IPO11: variants seen among roughly 807,000 people sequenced by gnomAD.
The protein encoded by IPO11 is importin 11, also known as importin-11.
Under a neutral mutation model 143.2 loss-of-function variants are expected in IPO11, and 66 were observed. The ratio of observed to expected loss-of-function variants is 0.46; its 90% CI spans 0.38 to 0.57. The LOEUF (loss-of-function observed/expected upper bound fraction) is 0.57, where lower values mean the gene tolerates loss of function less well. Ranked by LOEUF, IPO11 falls within the 20% of genes least tolerant of loss-of-function variation. The pLI is 0.00. For missense variants in IPO11, 1,026 were observed against 1,141.0 expected, an observed-to-expected ratio of 0.90 and a Z score of 1.45; for synonymous variants, 385 against 377.8, an observed-to-expected ratio of 1.02 and a Z score of -0.22.
intron 13 of IPO11, among the ~76,000 whole-genome samples, chr5:62,488,786 T>C (rs1441571758): frequency 6.6e-6 from 1 of 152,166 alleles, no homozygotes; most frequent in Non-Finnish European, 1.5e-5. Flanking sequence ...GCAGATCACT[T>C]GAGCCCAGGA....
At chr5:62,440,636 C>T (rs528302666) in intron 2 of IPO11, among the ~76,000 whole-genome samples, 1 of 151,576 alleles carries the variant, frequency 6.6e-6, no homozygotes, top group Non-Finnish European at 1.5e-5. Context: ...GGATTACAGG[C>T]GTGAGCCACT....
intron 24 of IPO11, among the ~76,000 whole-genome samples, chr5:62,538,376 T>A (rs1358325355): frequency 6.6e-6 from 1 of 152,208 alleles, no homozygotes; most frequent in Non-Finnish European, 1.5e-5. Flanking sequence ...CACCCCATGA[T>A]CAAGGGGATT....
chr5:62,435,112 A>ATATATATGTATATATATG (rs1561308805), intron 1 of IPO11, among the ~76,000 whole-genome samples: 4 of 78,488 alleles, frequency 5.1e-5, no homozygotes, highest in Non-Finnish European at 7.6e-5. Context: ...ATATATATGT[A>ATATATATGTATATATATG]TATATGTATA....
intron 4 of IPO11, among the ~76,000 whole-genome samples, chr5:62,451,008 G>A (rs992250968): frequency 1.3e-5 from 2 of 152,126 alleles, no homozygotes; most frequent in African/African-American, 2.4e-5. Context: ...GGAGAAAAAC[G>A]GAGTTACCTT....
intron 16 of IPO11, among the ~76,000 whole-genome samples, chr5:62,500,782 G>A (rs1741320617): frequency 6.6e-6 from 1 of 152,154 alleles, no homozygotes; most frequent in African/African-American, 2.4e-5. Flanking sequence ...ATAGGTGTGA[G>A]CAACTGCACC....
At chr5:62,497,112 G>A (rs922704061) in intron 16 of IPO11, among the ~76,000 whole-genome samples, 3 of 152,186 alleles carry the variant, frequency 2.0e-5, no homozygotes, top group Non-Finnish European at 2.9e-5. Context: ...GGATACATTT[G>A]ATACTGATTA....
intron 10 of IPO11, among the ~76,000 whole-genome samples, chr5:62,483,703 C>T (rs1409826577): frequency 6.6e-6 from 1 of 152,074 alleles, no homozygotes; most frequent in Non-Finnish European, 1.5e-5. Flanking sequence ...ATGAAGAAGT[C>T]TTGGTGGTGG....
chr5:62,420,906 G>A (rs1025416959), intron 1 of IPO11, among the ~76,000 whole-genome samples: 3 of 152,120 alleles, frequency 2.0e-5, no homozygotes, highest in African/African-American at 7.2e-5. Context: ...GTGTGTCCTG[G>A]TCATAGAATA....
At chr5:62,602,202 A>G (rs1184705697) in intron 29 of IPO11, among the ~76,000 whole-genome samples, 1 of 152,150 alleles carries the variant, frequency 6.6e-6, no homozygotes, top group Non-Finnish European at 1.5e-5. Context: ...ATTATTTTAT[A>G]GATCTTCACA....
rs567972357 is a variant in IPO11 at position 62,561,678 on chromosome 5, G to A, written c.2582+421G>A. On this transcript the variant is annotated intron_variant, in intron 27 of 29. Transcript: ENST00000325324. Reference sequence around the variant, plus strand: ...ATTAGTTTTGTTTTCTTTTTATTTTGGATTATTTCTAAGGACGTTTGCAAG... The same window carrying A: ...ATTAGTTTTGTTTTCTTTTTATTTTAGATTATTTCTAAGGACGTTTGCAAG... 1.3e-4 allele frequency among the ~76,000 whole-genome samples: 20 copies of A among 151,922 alleles called. No homozygotes were observed. In the South Asian group the frequency reaches 4.0e-3, roughly 30 times the overall value.
chr5:62,501,244 C>T (rs960621700), intron 16 of IPO11, among the ~76,000 whole-genome samples: 1 of 151,958 alleles, frequency 6.6e-6, no homozygotes, highest in African/African-American at 2.4e-5. Context: ...ATTTACCTAT[C>T]CTTTGTATCT....
At chr5:62,442,632 A>C (rs1744530347) in intron 2 of IPO11, among the ~76,000 whole-genome samples, 1 of 152,088 alleles carries the variant, frequency 6.6e-6, no homozygotes, top group Admixed American at 6.6e-5. Context: ...GCCAAGGCGA[A>C]TGGATCACCT....
At chr5:62,589,904 A>T (rs1465353516) in intron 27 of IPO11, among the ~76,000 whole-genome samples, 1 of 152,176 alleles carries the variant, frequency 6.6e-6, no homozygotes, top group Non-Finnish European at 1.5e-5. Flanking sequence ...GAAGCCTAGA[A>T]ACTGAGAGTA....
chr5:62,551,818 T>C (rs1006302412), intron 26 of IPO11, among the ~76,000 whole-genome samples: 24 of 152,120 alleles, frequency 1.6e-4, no homozygotes. Context: ...ATAGGTTTTT[T>C]AGTGAGGTGA....
chr5:62,627,481 C>A lies in IPO11; in HGVS notation c.*163C>A. 1.7e-6 allele frequency: 1 copy of A among 588,372 alleles called. No individual in the cohort carries two copies. The highest frequency in any genetic ancestry group is 2.7e-6 in the Non-Finnish European group (1 of 364,356). The allele number at this position is 588,372 out of a possible 1,614,324, so 36.4% of individuals were successfully genotyped here. Reference sequence around the variant, plus strand: ...ATGTAAAGGATAAATGTAAATCCTGCATAACTAAAATCACAAACCTATTCC... The same window carrying A: ...ATGTAAAGGATAAATGTAAATCCTGAATAACTAAAATCACAAACCTATTCC... On this transcript the variant is annotated 3_prime_UTR_variant, in exon 30 of 30. Coordinates refer to ENST00000325324, the MANE Select transcript of IPO11 (RefSeq NM_016338.5).
chr5:62,522,743 T>C (rs1399981692), intron 20 of IPO11, among the ~76,000 whole-genome samples: 1 of 152,238 alleles, frequency 6.6e-6, no homozygotes, highest in African/African-American at 2.4e-5. Context: ...TCCCTGTTCT[T>C]GATTACCTGG....
rs1326010115 is a variant in IPO11 at position 62,581,053 on chromosome 5, T to G, written c.2583-10524T>G. On this transcript the variant is annotated intron_variant, in intron 27 of 29. Transcript: ENST00000325324. ...TTTGCTAGCTTTTTTCATCTTAGCT[T>G]GTGTTTTAATCATTTTTTTGATCTA... 4 of 1,550,452 alleles carry G rather than the reference T, an allele frequency of 2.6e-6. 1 individual carries two copies. The South Asian group carries it at 4.8e-5, about 19-fold the overall frequency.
rs552221102 is a variant in IPO11 at position 62,589,687 on chromosome 5, A to G, written c.2583-1890A>G. On this transcript the variant is annotated intron_variant, in intron 27 of 29. Transcript: ENST00000325324. ...GTGGTTCTTTTTACTGCCCTGGGCAATAATGATGCTGAAGGGCCCCCTAGA... is the reference window on the plus strand; with the variant it reads ...GTGGTTCTTTTTACTGCCCTGGGCAGTAATGATGCTGAAGGGCCCCCTAGA... Among the ~76,000 whole-genome samples, 38 of 152,286 alleles carry G rather than the reference A, an allele frequency of 2.5e-4. 1 individual carries two copies. In the South Asian group the frequency reaches 7.5e-3, roughly 30 times the overall value.
chr5:62,525,191 AAC>A (rs1742326828), intron 20 of IPO11, among the ~76,000 whole-genome samples: 1 of 152,212 alleles, frequency 6.6e-6, no homozygotes, highest in South Asian at 2.1e-4. Context: ...AAGAAGCATT[AAC>A]AGTTTTTTCT....
Sources: allele counts gnomAD v4.1 joint callset (sites outside exome capture counted in the v4.1 genomes callset), GRCh38; gene constraint gnomAD v4.1.1; transcripts MANE v1.5; gene names NCBI Gene and HGNC (gene_info 2026-07-23, HGNC 2026-07-21).